MTMR8: variants seen among roughly 807,000 people sequenced by gnomAD.
MTMR8 encodes myotubularin related protein 8.
In MTMR8, 65 loss-of-function variants were observed where a neutral mutation model predicts 39.3. The observed-to-expected ratio is 1.65, with a 90% CI of 1.35 to 2.03. The LOEUF (loss-of-function observed/expected upper bound fraction) is 2.03, where lower values mean the gene tolerates loss of function less well. Ranked by LOEUF, MTMR8 falls within the 30% of genes most tolerant of loss-of-function variation. MTMR8 has a pLI of 0.00. For synonymous variants in MTMR8, 245 were observed against 185.2 expected (o/e 1.32, Z -2.62); for missense variants, 777 against 538.9 (o/e 1.44, Z -4.37).
intron 12 of MTMR8, among the ~76,000 whole-genome samples, chrX:64,311,808 G>T (rs1468044664): frequency 1.0e-5 from 1 of 96,117 alleles, no homozygotes; most frequent in Non-Finnish European, 2.0e-5. Context: ...AAGATCAGAT[G>T]GTTCTAGATG....
intron 8 of MTMR8, among the ~76,000 whole-genome samples, chrX:64,342,728 A>G (rs1343977018): frequency 1.8e-5 from 2 of 112,129 alleles, no homozygotes; most frequent in Non-Finnish European, 3.8e-5. Context: ...TATTTAAGGC[A>G]GTTCATTATA....
chrX:64,291,826 C>A (rs894423366), intron 12 of MTMR8, among the ~76,000 whole-genome samples: 1 of 111,613 alleles, frequency 9.0e-6, no homozygotes, highest in Admixed American at 9.6e-5. Context: ...GCCTCATGAG[C>A]CTGGACAAGT....
chrX:64,312,223 C>T (rs1569217605), intron 12 of MTMR8, among the ~76,000 whole-genome samples: 1 of 111,549 alleles, frequency 9.0e-6, no homozygotes, highest in Admixed American at 9.6e-5. Context: ...CTTCACATCC[C>T]TTGTAAGCTG....
intron 12 of MTMR8, among the ~76,000 whole-genome samples, chrX:64,276,551 C>T (rs1461260782): frequency 2.7e-5 from 3 of 111,870 alleles, no homozygotes; most frequent in Non-Finnish European, 3.8e-5. Flanking sequence ...AGTAGTCATT[C>T]AGGAGCAGGT....
intron 11 of MTMR8, chrX:64,331,304 T>A: frequency 2.7e-6 from 1 of 367,172 alleles, no homozygotes; most frequent in East Asian, 4.8e-5. Flanking sequence ...GCCTTGTACA[T>A]CCATTATTTT....
chrX:64,322,310 A>G (rs1922672162), intron 12 of MTMR8, among the ~76,000 whole-genome samples: 1 of 110,699 alleles, frequency 9.0e-6, no homozygotes, highest in Non-Finnish European at 1.9e-5. Flanking sequence ...GTTTGCTTGT[A>G]TTTTGTTGAG....
intron 12 of MTMR8, among the ~76,000 whole-genome samples, chrX:64,314,235 G>C (rs1197584723): frequency 8.9e-6 from 1 of 112,927 alleles, no homozygotes; most frequent in African/African-American, 3.2e-5. Flanking sequence ...TGATGGTAGT[G>C]GGATTCATCT....
At chrX:64,369,324 T>G (rs1000182140) in intron 1 of MTMR8, among the ~76,000 whole-genome samples, 1 of 111,968 alleles carries the variant, frequency 8.9e-6, no homozygotes, top group Non-Finnish European at 1.9e-5. Flanking sequence ...TGTGTGTTTA[T>G]TGCGGCACTA....
Position 64,354,924 on chromosome X carries a change from T to C in MTMR8, c.321A>G (p.Glu107=). The change falls in exon 4 of 14, where the codon GAA becomes GAG. Residue 107 remains glutamate, a synonymous_variant. Coordinates refer to ENST00000374852, the MANE Select transcript of MTMR8 (RefSeq NM_017677.4). ...GATTATAAGAAAAAGCATAAAGATC[T>C]TCAGGTAATGCTGGAGAAGAGAGAT... ...LLKLSQPALP[E]DLYAFSYNPK... is the part of the protein sequence containing the mutation. The C allele has an allele frequency of 8.4e-7, 1 of 1,194,936 alleles. No homozygotes were observed. The highest frequency in any genetic ancestry group is 1.1e-6 in the Non-Finnish European group (1 of 887,750).
intron 12 of MTMR8, among the ~76,000 whole-genome samples, chrX:64,299,445 T>C (rs1659532327): frequency 9.2e-6 from 1 of 108,254 alleles, no homozygotes; most frequent in Non-Finnish European, 1.9e-5. Flanking sequence ...TCATTTTTTA[T>C]TGTGTCTATT....
intron 1 of MTMR8, among the ~76,000 whole-genome samples, chrX:64,384,420 A>T (rs1464294152): frequency 2.7e-5 from 3 of 111,574 alleles, no homozygotes; most frequent in African/African-American, 9.8e-5. Context: ...CTCTGTGTGT[A>T]GGCTCCAACC....
intron 12 of MTMR8, among the ~76,000 whole-genome samples, chrX:64,297,463 T>C (rs1330749123): frequency 1.1e-5 from 1 of 88,604 alleles, no homozygotes; most frequent in Non-Finnish European, 2.2e-5. Context: ...TTGAGTTCAT[T>C]GTAGATTCTG....
chrX:64,313,865 G>A (rs1922385601), intron 12 of MTMR8, among the ~76,000 whole-genome samples: 1 of 112,505 alleles, frequency 8.9e-6, no homozygotes, highest in African/African-American at 3.2e-5. Flanking sequence ...AAGACACTCT[G>A]GCTTTTCAAG....
intron 12 of MTMR8, among the ~76,000 whole-genome samples, chrX:64,313,228 A>C (rs182726685): frequency 3.6e-5 from 4 of 112,511 alleles, no homozygotes; most frequent in Middle Eastern, 4.6e-3. Context: ...CAGTGTGGCC[A>C]TCTTCACCAA....
At chrX:64,310,933 C>T (rs1298093429) in intron 12 of MTMR8, among the ~76,000 whole-genome samples, 1 of 111,811 alleles carries the variant, frequency 8.9e-6, no homozygotes, top group African/African-American at 3.3e-5. Context: ...CAAGTCTTTG[C>T]TATTGTGAAT....
intron 12 of MTMR8, among the ~76,000 whole-genome samples, chrX:64,324,045 G>A (rs1054537748): frequency 8.0e-5 from 9 of 112,605 alleles, no homozygotes; most frequent in Admixed American, 6.5e-4. Flanking sequence ...ACTAGTAAAA[G>A]GAAAGAAATA....
chrX:64,283,558 G>C (rs1921041100), intron 12 of MTMR8, among the ~76,000 whole-genome samples: 1 of 112,173 alleles, frequency 8.9e-6, no homozygotes. Context: ...GAATAGCCTA[G>C]CTGGGAGACA....
chrX:64,305,332 C>A (rs1013907120), intron 12 of MTMR8: 1 of 205,696 alleles, frequency 4.9e-6, no homozygotes, highest in Non-Finnish European at 9.2e-6. Context: ...ACTTGTGCAT[C>A]TTTTACAGTC....
Position 64,339,750 on chromosome X carries a change from T to C in MTMR8, c.976-2357A>G, listed in dbSNP as rs140608557. 6.7e-3 allele frequency among the ~76,000 whole-genome samples: 724 copies of C among 107,875 alleles called. 13 individuals carry two copies. Among genetic ancestry groups the C allele is most frequent in the African/African-American group, 0.023 (691 of 29,525 alleles). 93.7% of individuals were successfully genotyped at this position (107,875 alleles called of 115,157 possible). On this transcript the variant is annotated intron_variant, in intron 8 of 13. Coordinates refer to ENST00000374852, the MANE Select transcript of MTMR8 (RefSeq NM_017677.4). ...GATGGAATTTCAAATATAGGTAGAGTGAGTATCCTTACACAGAAGATGGGG... is the reference window on the plus strand; with the variant it reads ...GATGGAATTTCAAATATAGGTAGAGCGAGTATCCTTACACAGAAGATGGGG...
Sources: allele counts gnomAD v4.1 joint callset (sites outside exome capture counted in the v4.1 genomes callset), GRCh38; gene constraint gnomAD v4.1.1; transcripts MANE v1.5; gene names NCBI Gene and HGNC (gene_info 2026-07-23, HGNC 2026-07-21).